DYNC1I2: variants seen among roughly 807,000 people sequenced by gnomAD.
The protein encoded by DYNC1I2 is dynein cytoplasmic 1 intermediate chain 2.
In DYNC1I2, 53 loss-of-function variants were observed where a neutral mutation model predicts 88.6. That is an observed-to-expected ratio of 0.60 (90% CI 0.48 to 0.75). The LOEUF is 0.75. DYNC1I2 is among the 30% of genes least tolerant of loss of function. DYNC1I2 has a pLI of 0.00. For synonymous variants in DYNC1I2, 198 were observed against 254.6 expected (o/e 0.78, Z 2.12); for missense variants, 458 against 766.6 (o/e 0.60, Z 4.75).
chr2:171,706,640 A>T, intron 4 of DYNC1I2, 76 bp downstream of exon 4: 1 of 1,358,024 alleles, frequency 7.4e-7, no homozygotes, highest in Non-Finnish European at 1.0e-6. Flanking sequence ...TCTAGAAGGC[A>T]TGCTGTTTTA....
intron 6 of DYNC1I2, among the ~76,000 whole-genome samples, chr2:171,714,959 A>T (rs950858975): frequency 1.4e-4 from 21 of 152,088 alleles, no homozygotes; most frequent in Non-Finnish European, 2.4e-4. Context: ...TCTGATTCTT[A>T]AAAAAAAGTC....
rs1390961268 is a variant in DYNC1I2 at position 171,725,903 on chromosome 2, A to T, written c.608-16A>T. 20 of 1,557,710 alleles carry T rather than the reference A, an allele frequency of 1.3e-5. No homozygotes were observed. The highest frequency in any genetic ancestry group is 1.7e-5 in the Non-Finnish European group (20 of 1,160,828). ...CCTGACATAAATCATACTTCAAAAAATTATTTATTTTCCAGCTCCCCCTCA... is the reference window on the plus strand; with the variant it reads ...CCTGACATAAATCATACTTCAAAAATTTATTTATTTTCCAGCTCCCCCTCA... On this transcript the variant is annotated splice_polypyrimidine_tract_variant and intron_variant, in intron 8 of 17. Coordinates refer to ENST00000397119, the MANE Select transcript of DYNC1I2 (RefSeq NM_001378.3).
rs1389532769 is a variant in DYNC1I2, at chr2:171,707,366, C to T, written c.324C>T (p.Ala108=). The part of the protein sequence containing the change: ...EAGSQDSGDG[A]VGSRTLHWDT... ...GAAGCCAAGACTCTGGAGATGGCGC[C>T]GTGGGATCTAGGTACAGTAATTTTC... The change falls in exon 5 of 18, where the codon GCC becomes GCT. Residue 108 remains alanine (A), a synonymous_variant. Transcript: ENST00000397119. 1.6e-5 allele frequency: 25 copies of T among 1,612,704 alleles called. No individual in the cohort carries two copies. The highest frequency in any genetic ancestry group is 4.5e-5 in the East Asian group (2 of 44,866).
intron 3 of DYNC1I2, among the ~76,000 whole-genome samples, chr2:171,698,503 A>G (rs866214283): frequency 1.6e-4 from 25 of 151,858 alleles, no homozygotes; most frequent in Non-Finnish European, 2.4e-4. Context: ...TCCCACTTCA[A>G]CCACCCGGGT....
chr2:171,730,050 A>AT (rs1688504648), intron 15 of DYNC1I2, among the ~76,000 whole-genome samples, 197 bp downstream of exon 15: 1 of 152,162 alleles, frequency 6.6e-6, no homozygotes. Context: ...AAGTATGGTA[A>AT]CCCTACGCAG....
intron 3 of DYNC1I2, among the ~76,000 whole-genome samples, chr2:171,693,290 A>C (rs1227630988): frequency 2.6e-5 from 4 of 152,324 alleles, no homozygotes; most frequent in Admixed American, 2.6e-4. Flanking sequence ...TAGAATGCAA[A>C]ATATATTAGT....
chr2:171,689,558 C>G (rs777608092), intron 1 of DYNC1I2, among the ~76,000 whole-genome samples: 9 of 152,094 alleles, frequency 5.9e-5, no homozygotes, highest in Non-Finnish European at 1.3e-4. Context: ...ATATTGTCAT[C>G]AAAAACTTTG....
intron 7 of DYNC1I2, among the ~76,000 whole-genome samples, chr2:171,721,063 GATC>G (rs919874251): frequency 8.4e-5 from 12 of 143,256 alleles, no homozygotes; most frequent in Admixed American, 2.2e-4. Flanking sequence ...GAGACAGGAG[GATC>G]ACTAGAGCCC....
At chr2:171,745,139 C>T (rs1689697388) in intron 16 of DYNC1I2, among the ~76,000 whole-genome samples, 1 of 152,074 alleles carries the variant, frequency 6.6e-6, no homozygotes, top group Admixed American at 6.6e-5. Flanking sequence ...TTTTATCATA[C>T]TTTTAGTCTG....
intron 4 of DYNC1I2, chr2:171,706,817 G>A (rs771561618): frequency 3.2e-5 from 14 of 439,294 alleles, no homozygotes; most frequent in Non-Finnish European, 5.2e-5. Context: ...TTAGACAAAA[G>A]TTAATATTTT....
In DYNC1I2 at chr2:171,749,191, A is replaced by G. The variant is rs1475995738; in HGVS notation, c.*1302A>G. On this transcript the variant is annotated 3_prime_UTR_variant, in exon 18 of 18. Transcript: ENST00000397119. Reference sequence around the variant, plus strand: ...ATTGACCTGGAATTATTGGCCCCAAACTCTGATTCTTGCTGAAGCATCTAT... The same window carrying G: ...ATTGACCTGGAATTATTGGCCCCAAGCTCTGATTCTTGCTGAAGCATCTAT... 1.3e-5 allele frequency among the ~76,000 whole-genome samples: 2 copies of G among 152,052 alleles called. No individual in the cohort carries two copies. The highest frequency in any genetic ancestry group is 2.9e-5 in the Non-Finnish European group (2 of 67,934).
At position 171,731,609 on chromosome 2, in the gene DYNC1I2, C is replaced by T. The variant is rs141830901; in HGVS notation, c.1536+1756C>T. Among the ~76,000 whole-genome samples, 80 of 152,092 alleles carry T rather than the reference C, an allele frequency of 5.3e-4. 3 individuals are homozygous for T. The highest frequency in any genetic ancestry group is 1.7e-3 in the East Asian group (9 of 5,156). ...GTTTACAAAAAATTTAAAAATTAGCCATGCATGGTGGTGCGCACCTGTGGT... is the reference window on the plus strand; with the variant it reads ...GTTTACAAAAAATTTAAAAATTAGCTATGCATGGTGGTGCGCACCTGTGGT... On this transcript the variant is annotated intron_variant, in intron 15 of 17. Transcript: ENST00000397119.
chr2:171,689,466 C>T (rs1324466263), intron 1 of DYNC1I2, among the ~76,000 whole-genome samples: 1 of 152,110 alleles, frequency 6.6e-6, no homozygotes, highest in Non-Finnish European at 1.5e-5. Context: ...TGATCTGTGT[C>T]ATATAGCTTA....
chr2:171,725,586 GT>G, intron 7 of DYNC1I2, 31 bp from the exon 8 acceptor site: 1 of 1,244,312 alleles, frequency 8.0e-7, no homozygotes, highest in South Asian at 1.6e-5. Context: ...CTGTTTTTTT[GT>G]TTTTTTGTTT....
intron 3 of DYNC1I2, among the ~76,000 whole-genome samples, chr2:171,696,022 G>A (rs545523647): frequency 8.5e-5 from 13 of 152,212 alleles, no homozygotes; most frequent in African/African-American, 3.1e-4. Context: ...GCATATTCAT[G>A]TCCTTCTCCC....
At chr2:171,728,272 A>G (rs1688377740) in intron 12 of DYNC1I2, 33 bp from the exon 13 acceptor site, 2 of 1,350,644 alleles carry the variant, frequency 1.5e-6, no homozygotes. Context: ...TTTTGGTACA[A>G]TAATCCCTGA....
Position 171,715,183 on chromosome 2 carries a change from C to G in DYNC1I2, c.396-145C>G, listed in dbSNP as rs17581131. On this transcript the variant is annotated intron_variant, in intron 6 of 17. Transcript: ENST00000397119. The stretch of plus-strand genomic sequence containing the variant: ...TTCTCATTCTTTTGCTAAAATAAAG[C>G]CAATTTATTGTTAATCTAAAATTTC... 2.8e-3 allele frequency: 1,478 copies of G among 524,794 alleles called. 25 individuals carry two copies. The East Asian group carries it at 0.031, about 11-fold the overall frequency. 32.5% of individuals were successfully genotyped at this position (524,794 alleles called of 1,614,324 possible). A position where few individuals can be genotyped will look rare whatever the true frequency, so the allele number is the denominator to read the frequency against.
At chr2:171,721,769 G>T (rs888134348) in intron 7 of DYNC1I2, among the ~76,000 whole-genome samples, 11 of 152,068 alleles carry the variant, frequency 7.2e-5, no homozygotes, top group African/African-American at 2.4e-4. Flanking sequence ...ATCTTAAAAT[G>T]GGATGCACCA....
intron 7 of DYNC1I2, among the ~76,000 whole-genome samples, chr2:171,718,478 G>A (rs906090046): frequency 1.3e-4 from 19 of 151,528 alleles, no homozygotes; most frequent in African/African-American, 3.6e-4. Context: ...CTGTGGCCCA[G>A]GCTGGAGTGC....
Sources: allele counts gnomAD v4.1 joint callset (sites outside exome capture counted in the v4.1 genomes callset), GRCh38; gene constraint gnomAD v4.1.1; transcripts MANE v1.5; gene names NCBI Gene and HGNC (gene_info 2026-07-23, HGNC 2026-07-21).